Variants in NRG1 observed in about 807,000 individuals in gnomAD.
NRG1 encodes the protein pro-neuregulin-1, membrane-bound isoform.
A neutral mutation model predicts 63.8 loss-of-function variants in NRG1; 18 were observed. The observed-to-expected ratio is 0.28, with a 90% confidence interval of 0.19 to 0.42. NRG1 has a LOEUF of 0.42. NRG1 is among the 10% of genes least tolerant of loss of function. NRG1 has a pLI of 1.00. For synonymous variants in NRG1, 302 were observed against 301.3 expected, an observed-to-expected ratio of 1.00 and a Z score of -0.02; for missense variants, 762 against 814.7, an observed-to-expected ratio of 0.94 and a Z score of 0.79.
At chr8:32,750,668 A>G (rs908071058) in intron 7 of NRG1, among the ~76,000 whole-genome samples, 8 of 149,906 alleles carry the variant, frequency 5.3e-5, no homozygotes, top group African/African-American at 9.9e-5. Flanking sequence ...TGCAAGCTCT[A>G]GCAGCTACAG....
intron 1 of NRG1, among the ~76,000 whole-genome samples, chr8:31,850,431 A>T (rs968610558): frequency 6.6e-6 from 1 of 152,140 alleles, no homozygotes; most frequent in Non-Finnish European, 1.5e-5. Flanking sequence ...TGGTCAGGTT[A>T]TGTGACCTGA....
Position 32,136,050 on chromosome 8 carries a change from T to A in NRG1, c.38-459778T>A, listed in dbSNP as rs369653659. The stretch of plus-strand genomic sequence containing the variant: ...AGATGAGGGTGGTGTAGGGAGATCA[T>A]TCTCTAGGTGCCCTTTGCATTTTTG... On this transcript the variant is annotated intron_variant, in intron 1 of 10. Transcript: ENST00000519301. Among the ~76,000 whole-genome samples the A allele has an allele frequency of 2.6e-5, 4 of 151,924 alleles. No homozygotes were observed. In the East Asian group the frequency reaches 7.8e-4, roughly 29 times the overall value.
chr8:32,650,520 T>G (rs13282195), intron 5 of NRG1, among the ~76,000 whole-genome samples: 45,826 of 151,752 alleles, frequency 0.3, 8,560 homozygotes, highest in Non-Finnish European at 0.42. Context: ...CTACTTTTTT[T>G]GGGGGTGGGG....
chr8:32,501,534 T>A (rs911388716), intron 1 of NRG1, among the ~76,000 whole-genome samples: 1 of 152,178 alleles, frequency 6.6e-6, no homozygotes, highest in African/African-American at 2.4e-5. Context: ...AAGACTTCAT[T>A]TGGAATTTGA....
At chr8:32,708,879 G>A (rs1033382561) in intron 5 of NRG1, among the ~76,000 whole-genome samples, 10 of 152,138 alleles carry the variant, frequency 6.6e-5, no homozygotes, top group African/African-American at 1.2e-4. Context: ...TCATTACCCC[G>A]GGACAGCTTT....
At chr8:32,407,498 T>C (rs1814248622) in intron 1 of NRG1, among the ~76,000 whole-genome samples, 1 of 151,790 alleles carries the variant, frequency 6.6e-6, no homozygotes, top group African/African-American at 2.4e-5. Context: ...AAAATTTTAC[T>C]TTAGAATAAG....
chr8:32,650,240 A>G (rs985191102), intron 5 of NRG1, among the ~76,000 whole-genome samples: 2 of 152,064 alleles, frequency 1.3e-5, no homozygotes, highest in Non-Finnish European at 2.9e-5. Context: ...AAGCCAGGGC[A>G]TTGATATTGT....
At chr8:32,228,942 TA>T (rs1443790610) in intron 1 of NRG1, among the ~76,000 whole-genome samples, 1 of 152,068 alleles carries the variant, frequency 6.6e-6, no homozygotes, top group African/African-American at 2.4e-5. Context: ...CAAAGAAGTG[TA>T]GGTAAAGAAT....
At chr8:31,869,281 T>A (rs956086531) in intron 1 of NRG1, among the ~76,000 whole-genome samples, 1 of 152,118 alleles carries the variant, frequency 6.6e-6, no homozygotes, top group Non-Finnish European at 1.5e-5. Context: ...CCAGTTAGTC[T>A]CTGGAGAATG....
intron 1 of NRG1, among the ~76,000 whole-genome samples, chr8:32,448,364 C>G (rs1820532103): frequency 6.6e-6 from 1 of 152,056 alleles, no homozygotes; most frequent in African/African-American, 2.4e-5. Context: ...GGATTTCTAA[C>G]CAGGTTATTT....
chr8:32,062,004 AG>A (rs954600132), intron 1 of NRG1, among the ~76,000 whole-genome samples: 2 of 152,098 alleles, frequency 1.3e-5, no homozygotes, highest in African/African-American at 4.8e-5. Flanking sequence ...CCCAAGAGAA[AG>A]CAAAATTCTA....
chr8:31,751,928 A>G lies in NRG1; in HGVS notation c.37+112497A>G, dbSNP rs185645274. Among the ~76,000 whole-genome samples the G allele has an allele frequency of 7.4e-4, 113 of 152,128 alleles. 2 individuals carry two copies. The highest frequency in any genetic ancestry group is 2.6e-3 in the African/African-American group (106 of 41,540). Reference sequence around the variant, plus strand: ...TTTATGAATTTGATCATTTTTCTAAATAAGTGCTTGATTAGGAGCATGGAT... The same window carrying G: ...TTTATGAATTTGATCATTTTTCTAAGTAAGTGCTTGATTAGGAGCATGGAT... On this transcript the variant is annotated intron_variant, in intron 1 of 10. Transcript: ENST00000519301.
intron 1 of NRG1, chr8:32,442,601 T>G (rs1819698215): frequency 1.3e-5 from 2 of 152,238 alleles, no homozygotes; most frequent in South Asian, 4.1e-4. Flanking sequence ...AATTTTCAGA[T>G]GCTCTTTGAT....
chr8:32,341,095 A>G (rs766545791), intron 1 of NRG1, among the ~76,000 whole-genome samples: 4 of 152,204 alleles, frequency 2.6e-5, no homozygotes, highest in Non-Finnish European at 5.9e-5. Context: ...GTGTGTCTAC[A>G]TCTTTTTCCT....
At chr8:32,322,164 G>C (rs944570929) in intron 1 of NRG1, among the ~76,000 whole-genome samples, 1 of 151,120 alleles carries the variant, frequency 6.6e-6, no homozygotes, top group Admixed American at 6.6e-5. Context: ...ACTCCAGCCT[G>C]GACAACATAG....
chr8:32,771,276 ATTTTTTTT>A (rs553989637), downstream of NRG1, among the ~76,000 whole-genome samples: 39,768 of 92,486 alleles, frequency 0.43, 7,222 homozygotes, highest in South Asian at 0.49. Flanking sequence ...ATGCCCAGCG[ATTTTTTTT>A]TTTTTTTTTT....
chr8:32,460,731 T>C (rs765553101), intron 1 of NRG1, among the ~76,000 whole-genome samples: 2 of 152,246 alleles, frequency 1.3e-5, no homozygotes, highest in South Asian at 4.1e-4. Flanking sequence ...AAGAGCACAA[T>C]ACAGCAAAAA....
chr8:32,536,429 A>G lies in NRG1; in HGVS notation c.38-59399A>G, dbSNP rs546236760. ...GAATATTTCTCTTCAGGAAAGGTTC[A>G]CTCCCTTTTTAAGGACTCTGCTGAT... On this transcript the variant is annotated intron_variant, in intron 1 of 10. Coordinates refer to the NRG1 transcript ENST00000519301. 2.0e-5 allele frequency among the ~76,000 whole-genome samples: 3 copies of G among 152,220 alleles called. No individual in the cohort carries two copies. The East Asian group carries it at 5.8e-4, about 29-fold the overall frequency.
chr8:32,408,051 C>T (rs1008350290), intron 1 of NRG1, among the ~76,000 whole-genome samples: 2 of 152,162 alleles, frequency 1.3e-5, no homozygotes, highest in South Asian at 2.1e-4. Context: ...TCAGTGAGTG[C>T]TCCCTGGGCT....
Sources: allele counts gnomAD v4.1 joint callset (sites outside exome capture counted in the v4.1 genomes callset), GRCh38; gene constraint gnomAD v4.1.1; transcripts MANE v1.5; gene names NCBI Gene and HGNC (gene_info 2026-07-23, HGNC 2026-07-21).